The following ST6GALNAC3 variants were observed in gnomAD, a reference collection of about 807,000 sequenced individuals.
The protein encoded by ST6GALNAC3 is ST6 N-acetylgalactosaminide alpha-2,6-sialyltransferase 3.
Under a neutral mutation model 32.7 loss-of-function variants are expected in ST6GALNAC3, and 25 were observed. The observed-to-expected ratio is 0.76, with a 90% CI of 0.56 to 1.07. The LOEUF (loss-of-function observed/expected upper bound fraction) is 1.07. Among genes scored for constraint, ST6GALNAC3 ranks in the 50% least tolerant of loss-of-function variants. The pLI, the probability that ST6GALNAC3 is intolerant of heterozygous loss-of-function variation, is 0.00. For missense variants in ST6GALNAC3, 355 were observed against 382.4 expected (o/e 0.93, Z 0.60); for synonymous variants, 129 against 133.1 (o/e 0.97, Z 0.21).
In ST6GALNAC3 at chr1:76,628,981, T is replaced by C. The variant is rs1417600797; in HGVS notation, c.*175T>C. ...CTGCTAGTAATTTAAACTTGGCATT[T>C]CATGGAGGATGGTTGTGCTCATGAT... is the stretch of plus-strand genomic sequence containing the variant. On this transcript the variant is annotated 3_prime_UTR_variant, in exon 5 of 5. Coordinates refer to ENST00000328299, the MANE Select transcript of ST6GALNAC3 (RefSeq NM_152996.4). 7 of 1,410,184 alleles carry C rather than the reference T, an allele frequency of 5.0e-6. No individual in the cohort carries two copies. The highest frequency in any genetic ancestry group is 6.4e-6 in the Non-Finnish European group (7 of 1,089,924). The allele number at this position is 1,410,184 out of a possible 1,614,324, so 87.4% of individuals were successfully genotyped here.
intron 2 of ST6GALNAC3, among the ~76,000 whole-genome samples, chr1:76,406,795 C>T (rs935988353): frequency 6.6e-6 from 1 of 151,726 alleles, no homozygotes; most frequent in Non-Finnish European, 1.5e-5. Context: ...TTAACATATG[C>T]TCTTCTTTTT....
intron 3 of ST6GALNAC3, chr1:76,577,222 A>G: frequency 9.9e-7 from 1 of 1,012,156 alleles, no homozygotes; most frequent in Non-Finnish European, 1.2e-6. Flanking sequence ...TGTTCTTCCC[A>G]TTTCTCTGTT....
At chr1:76,236,168 G>A (rs745501495) in intron 1 of ST6GALNAC3, among the ~76,000 whole-genome samples, 29 of 152,014 alleles carry the variant, frequency 1.9e-4, no homozygotes, top group Non-Finnish European at 3.1e-4. Flanking sequence ...GGCTAGTCCC[G>A]AACCCCTGAC....
At chr1:76,375,226 A>G (rs1651128901) in intron 2 of ST6GALNAC3, among the ~76,000 whole-genome samples, 1 of 152,184 alleles carries the variant, frequency 6.6e-6, no homozygotes, top group Non-Finnish European at 1.5e-5. Context: ...GTACAGAAGG[A>G]GATGGGGGAA....
At chr1:76,377,686 C>T (rs540057866) in intron 2 of ST6GALNAC3, among the ~76,000 whole-genome samples, 1 of 152,088 alleles carries the variant, frequency 6.6e-6, no homozygotes, top group Non-Finnish European at 1.5e-5. Context: ...TTTTTATGAC[C>T]TACTGCTTAC....
intron 1 of ST6GALNAC3, among the ~76,000 whole-genome samples, chr1:76,140,166 T>G (rs1299000738): frequency 2.0e-5 from 3 of 151,630 alleles, no homozygotes; most frequent in Non-Finnish European, 2.9e-5. Flanking sequence ...GCTCTTATTG[T>G]TTTTTTTGGT....
intron 1 of ST6GALNAC3, among the ~76,000 whole-genome samples, chr1:76,297,620 A>ATT (rs1233810360): frequency 2.0e-5 from 3 of 152,042 alleles, no homozygotes; most frequent in Non-Finnish European, 4.4e-5. Context: ...TGAGCAAATC[A>ATT]TTCATCTTTT....
intron 3 of ST6GALNAC3, among the ~76,000 whole-genome samples, chr1:76,626,968 C>G (rs1292838985): frequency 6.6e-6 from 1 of 151,880 alleles, no homozygotes; most frequent in Non-Finnish European, 1.5e-5. Flanking sequence ...TCAAGTTATT[C>G]ACATACACTG....
chr1:76,510,080 T>C (rs1177778900), intron 3 of ST6GALNAC3, among the ~76,000 whole-genome samples: 1 of 152,198 alleles, frequency 6.6e-6, no homozygotes, highest in Non-Finnish European at 1.5e-5. Context: ...AGACTGATCC[T>C]GTAGGGCACA....
intron 2 of ST6GALNAC3, among the ~76,000 whole-genome samples, chr1:76,336,429 A>G (rs1484848460): frequency 6.6e-6 from 1 of 152,142 alleles, no homozygotes; most frequent in Non-Finnish European, 1.5e-5. Context: ...CCAAACAGTA[A>G]TGTATTTTTG....
chr1:76,196,468 C>A (rs999693187), intron 1 of ST6GALNAC3, among the ~76,000 whole-genome samples: 5 of 144,662 alleles, frequency 3.5e-5, no homozygotes, highest in African/African-American at 2.5e-5. Context: ...ATTCTCAATA[C>A]TTTTTTTTTT....
At chr1:76,343,879 G>T (rs541578320) in intron 2 of ST6GALNAC3, among the ~76,000 whole-genome samples, 11 of 152,148 alleles carry the variant, frequency 7.2e-5, no homozygotes, top group African/African-American at 1.4e-4. Flanking sequence ...TTTAACAGAG[G>T]AATTATGGCA....
chr1:76,477,964 G>GA lies in ST6GALNAC3; in HGVS notation c.623+65555dup, dbSNP rs556949630. 3.3e-5 allele frequency among the ~76,000 whole-genome samples: 5 copies of GA among 152,008 alleles called. 1 individual carries two copies. The highest frequency in any genetic ancestry group is 4.2e-4 in the South Asian group (2 of 4,814). On this transcript the variant is annotated intron_variant, in intron 3 of 4. Transcript: ENST00000328299. ...TGTGAAACCTATGGGCCTGTGATCA[G>GA]AAAAAAAATGTCTTTAAACCAGTCT...
intron 3 of ST6GALNAC3, among the ~76,000 whole-genome samples, chr1:76,504,288 T>C (rs1187055707): frequency 6.6e-6 from 1 of 152,168 alleles, no homozygotes; most frequent in Non-Finnish European, 1.5e-5. Context: ...TGTGTCTTTT[T>C]ATCTGTTTCT....
At chr1:76,303,453 C>T (rs1392735096) in intron 1 of ST6GALNAC3, among the ~76,000 whole-genome samples, 1 of 152,004 alleles carries the variant, frequency 6.6e-6, no homozygotes, top group Non-Finnish European at 1.5e-5. Context: ...TGCCTCCAGA[C>T]CCTATTCTCT....
intron 3 of ST6GALNAC3, among the ~76,000 whole-genome samples, chr1:76,426,600 G>C (rs1012043572): frequency 7.3e-5 from 11 of 151,570 alleles, no homozygotes; most frequent in African/African-American, 2.7e-4. Flanking sequence ...GAGAAAGAGA[G>C]AGAGAGAATG....
intron 1 of ST6GALNAC3, among the ~76,000 whole-genome samples, chr1:76,207,763 G>A (rs1654901676): frequency 6.6e-6 from 1 of 152,268 alleles, no homozygotes; most frequent in African/African-American, 2.4e-5. Context: ...AACCATACCA[G>A]GTGGTTACCC....
At chr1:76,522,085 TAAAA>T (rs55954462) in intron 3 of ST6GALNAC3, among the ~76,000 whole-genome samples, 8 of 140,708 alleles carry the variant, frequency 5.7e-5, no homozygotes, top group African/African-American at 5.3e-5. Flanking sequence ...ACTCCATTTC[TAAAA>T]AAAAAAAAAA....
chr1:76,408,064 A>AT (rs2101266119), intron 2 of ST6GALNAC3, among the ~76,000 whole-genome samples: 1 of 152,144 alleles, frequency 6.6e-6, no homozygotes, highest in Non-Finnish European at 1.5e-5. Context: ...GTCATGGCAT[A>AT]CTGTAGTTTG....
Sources: gnomAD v4.1 joint callset for allele counts (sites outside exome capture counted in the v4.1 genomes callset) on GRCh38, gnomAD v4.1.1 for gene constraint, MANE v1.5 for transcripts, NCBI Gene and HGNC (gene_info 2026-07-23, HGNC 2026-07-21) for gene names.